The following SLC16A7 variants were observed in gnomAD, a reference collection of about 807,000 sequenced individuals.
SLC16A7 encodes the protein solute carrier family 16 member 7, also known as monocarboxylate transporter 2.
In SLC16A7, 33 loss-of-function variants were observed where a neutral mutation model predicts 34.9. The ratio of observed to expected loss-of-function variants is 0.94; its 90% CI spans 0.72 to 1.26. The LOEUF (loss-of-function observed/expected upper bound fraction) is 1.26, where lower values mean the gene tolerates loss of function less well. Among genes scored for constraint, SLC16A7 ranks in the 50% most tolerant of loss-of-function variants. The pLI, the probability that SLC16A7 is intolerant of heterozygous loss-of-function variation, is 0.00. For synonymous variants in SLC16A7, 201 were observed against 206.6 expected, an observed-to-expected ratio of 0.97 and a Z score of 0.23; for missense variants, 573 against 578.1, an observed-to-expected ratio of 0.99 and a Z score of 0.09.
chr12:59,732,729 C>T (rs1240991719), intron 3 of SLC16A7, among the ~76,000 whole-genome samples: 1 of 152,186 alleles, frequency 6.6e-6, no homozygotes, highest in Non-Finnish European at 1.5e-5. Context: ...CATATAGACT[C>T]TTCCTTTCAT....
At chr12:59,737,312 T>A (rs1877711863) in intron 3 of SLC16A7, among the ~76,000 whole-genome samples, 1 of 152,174 alleles carries the variant, frequency 6.6e-6, no homozygotes, top group Non-Finnish European at 1.5e-5. Context: ...AAATTGAAGA[T>A]TTATAATAAG....
At chr12:59,655,094 T>C (rs1367239066) in intron 1 of SLC16A7, 58 bp from the exon 2 acceptor site, 1 of 151,992 alleles carries the variant, frequency 6.6e-6, no homozygotes, top group Non-Finnish European at 1.5e-5. Flanking sequence ...ATATTTTTCA[T>C]TTTTCTAAAC....
At chr12:59,710,014 G>T (rs1322065930) in intron 3 of SLC16A7, among the ~76,000 whole-genome samples, 2 of 151,594 alleles carry the variant, frequency 1.3e-5, no homozygotes, top group Non-Finnish European at 2.9e-5. Context: ...TGAGGGCTTG[G>T]TTTATTGTGT....
intron 3 of SLC16A7, among the ~76,000 whole-genome samples, chr12:59,737,353 T>G (rs1877718606): frequency 6.6e-6 from 1 of 152,232 alleles, no homozygotes; most frequent in African/African-American, 2.4e-5. Context: ...GTTGATTGCA[T>G]TGTTGAGAAA....
intron 3 of SLC16A7, among the ~76,000 whole-genome samples, chr12:59,758,079 G>A (rs1880595813): frequency 6.6e-6 from 1 of 151,774 alleles, no homozygotes; most frequent in Non-Finnish European, 1.5e-5. Context: ...AAGGGTTAGG[G>A]GGACCAATCC....
chr12:59,700,075 C>T (rs976490537), intron 2 of SLC16A7, among the ~76,000 whole-genome samples: 2 of 151,706 alleles, frequency 1.3e-5, no homozygotes, highest in Admixed American at 1.3e-4. Flanking sequence ...AAGCTTCATC[C>T]AGACATGAGT....
intron 3 of SLC16A7, among the ~76,000 whole-genome samples, chr12:59,709,137 A>G (rs529526835): frequency 1.6e-4 from 24 of 151,776 alleles, no homozygotes; most frequent in Non-Finnish European, 2.9e-4. Flanking sequence ...ATGATAATCT[A>G]TATATGGTTA....
At chr12:59,695,467 T>C (rs574085090) in intron 2 of SLC16A7, among the ~76,000 whole-genome samples, 1 of 152,122 alleles carries the variant, frequency 6.6e-6, no homozygotes, top group South Asian at 2.1e-4. Flanking sequence ...GTGTGAACTC[T>C]TCATTCCTAC....
At chr12:59,668,518 T>C (rs959275668) in intron 2 of SLC16A7, among the ~76,000 whole-genome samples, 1 of 152,222 alleles carries the variant, frequency 6.6e-6, no homozygotes, top group Non-Finnish European at 1.5e-5. Flanking sequence ...TTTCTACATT[T>C]AGAATGGGCA....
At chr12:59,677,060 T>G (rs1323104144) in intron 2 of SLC16A7, among the ~76,000 whole-genome samples, 2 of 151,840 alleles carry the variant, frequency 1.3e-5, no homozygotes, top group African/African-American at 4.8e-5. Context: ...CTCGTGTGTG[T>G]GTATGTGTTT....
intron 3 of SLC16A7, among the ~76,000 whole-genome samples, chr12:59,767,877 G>T (rs992366879): frequency 6.7e-6 from 1 of 149,982 alleles, no homozygotes; most frequent in African/African-American, 2.5e-5. Context: ...CTCACTCATA[G>T]GTGGGAATTG....
At chr12:59,674,955 C>T (rs572794062) in intron 2 of SLC16A7, among the ~76,000 whole-genome samples, 40 of 152,274 alleles carry the variant, frequency 2.6e-4, no homozygotes, top group African/African-American at 8.9e-4. Flanking sequence ...GACTCAGTTA[C>T]AGGTGTCTCA....
chr12:59,709,659 G>A (rs1051928333), intron 3 of SLC16A7, among the ~76,000 whole-genome samples: 11 of 151,698 alleles, frequency 7.3e-5, no homozygotes, highest in African/African-American at 1.7e-4. Flanking sequence ...AAAGCAAAAA[G>A]TACCAGGTAC....
intron 1 of SLC16A7, among the ~76,000 whole-genome samples, chr12:59,639,117 C>T (rs1025514586): frequency 1.3e-5 from 2 of 152,112 alleles, no homozygotes; most frequent in African/African-American, 4.8e-5. Flanking sequence ...TTGTTACCAT[C>T]ATTCTTTGGC....
At chr12:59,685,002 G>A (rs557536094) in intron 2 of SLC16A7, among the ~76,000 whole-genome samples, 1 of 152,216 alleles carries the variant, frequency 6.6e-6, no homozygotes, top group East Asian at 1.9e-4. Flanking sequence ...GTGTGTGCTT[G>A]TTGATGTGTT....
intron 1 of SLC16A7, among the ~76,000 whole-genome samples, chr12:59,632,794 T>C (rs1298155359): frequency 1.3e-5 from 2 of 151,992 alleles, no homozygotes; most frequent in Non-Finnish European, 2.9e-5. Context: ...CAGCCAGCAG[T>C]GTGGCCTTTT....
chr12:59,779,067 C>A (rs542015398), intron 5 of SLC16A7, among the ~76,000 whole-genome samples: 1 of 151,960 alleles, frequency 6.6e-6, no homozygotes, highest in Non-Finnish European at 1.5e-5. Flanking sequence ...GCAATCCTAA[C>A]GTGTGCTGTA....
chr12:59,733,060 G>A (rs1877143636), intron 3 of SLC16A7, among the ~76,000 whole-genome samples: 1 of 152,168 alleles, frequency 6.6e-6, no homozygotes. Context: ...ACAAATATGA[G>A]TTGTCTTAAT....
chr12:59,670,604 T>C (rs1869600069), intron 2 of SLC16A7, among the ~76,000 whole-genome samples: 1 of 152,082 alleles, frequency 6.6e-6, no homozygotes, highest in Non-Finnish European at 1.5e-5. Context: ...CTGTGAAACA[T>C]AGAAAATAGG....
Sources: gnomAD v4.1 joint callset for allele counts (sites outside exome capture counted in the v4.1 genomes callset) on GRCh38, gnomAD v4.1.1 for gene constraint, MANE v1.5 for transcripts, NCBI Gene and HGNC (gene_info 2026-07-23, HGNC 2026-07-21) for gene names.